Variants in SEMA5A observed in about 807,000 individuals in gnomAD.
SEMA5A encodes the protein semaphorin 5A, also known as semaphorin-5A.
A neutral mutation model predicts 135.5 loss-of-function variants in SEMA5A; 55 were observed. That is an observed-to-expected ratio of 0.41 (90% CI 0.33 to 0.51). The LOEUF (loss-of-function observed/expected upper bound fraction) is 0.51. Among genes scored for constraint, SEMA5A ranks in the 20% least tolerant of loss-of-function variants. The pLI, the probability that SEMA5A is intolerant of heterozygous loss-of-function variation, is 0.37. For missense variants in SEMA5A, 1,290 were observed against 1,419.9 expected (o/e 0.91, Z 1.47); for synonymous variants, 580 against 546.5 (o/e 1.06, Z -0.85).
intron 4 of SEMA5A, among the ~76,000 whole-genome samples, chr5:9,335,544 G>A (rs890730304): frequency 7.2e-5 from 11 of 152,180 alleles, no homozygotes; most frequent in African/African-American, 2.7e-4. Context: ...TCATAGAAAA[G>A]CCTTTCCAAA....
chr5:9,320,857 C>T (rs1201849112), intron 4 of SEMA5A, among the ~76,000 whole-genome samples: 1 of 152,132 alleles, frequency 6.6e-6, no homozygotes, highest in African/African-American at 2.4e-5. Context: ...CCCAGTGTGA[C>T]CTTGAAACCA....
intron 15 of SEMA5A, among the ~76,000 whole-genome samples, chr5:9,114,488 C>T (rs1453518656): frequency 6.6e-6 from 1 of 151,822 alleles, no homozygotes. Flanking sequence ...TGTAAAAGCA[C>T]AGTAAAAACT....
At chr5:9,495,890 C>G (rs1735276897) in intron 1 of SEMA5A, among the ~76,000 whole-genome samples, 1 of 152,156 alleles carries the variant, frequency 6.6e-6, no homozygotes, top group African/African-American at 2.4e-5. Context: ...ACCTGATCGA[C>G]TGAATACTCA....
intron 1 of SEMA5A, among the ~76,000 whole-genome samples, chr5:9,540,524 G>C (rs1441168249): frequency 6.6e-6 from 1 of 152,088 alleles, no homozygotes. Flanking sequence ...TTAAACCTAG[G>C]AGGCAGAGGT....
intron 6 of SEMA5A, among the ~76,000 whole-genome samples, chr5:9,233,759 C>G (rs1579675743): frequency 6.6e-6 from 1 of 152,182 alleles, no homozygotes; most frequent in Admixed American, 6.5e-5. Flanking sequence ...CTCCTCCACT[C>G]TGCAGCAAGC....
chr5:9,136,108 C>T (rs2150218040), intron 13 of SEMA5A, among the ~76,000 whole-genome samples: 1 of 152,254 alleles, frequency 6.6e-6, no homozygotes, highest in East Asian at 1.9e-4. Flanking sequence ...CTCATCTTTC[C>T]TTATGTCAGC....
intron 2 of SEMA5A, among the ~76,000 whole-genome samples, chr5:9,383,170 C>A (rs1203714673): frequency 1.3e-5 from 2 of 152,228 alleles, no homozygotes; most frequent in Non-Finnish European, 2.9e-5. Context: ...AAAGGAGTTA[C>A]AGTGTGCAAA....
At chr5:9,247,936 C>T (rs184057608) in intron 5 of SEMA5A, among the ~76,000 whole-genome samples, 59 of 152,292 alleles carry the variant, frequency 3.9e-4, no homozygotes, top group African/African-American at 1.3e-3. Context: ...CTGATACATT[C>T]ATGTCCTAGT....
chr5:9,285,161 C>T (rs904639920), intron 5 of SEMA5A, among the ~76,000 whole-genome samples: 8 of 152,176 alleles, frequency 5.3e-5, no homozygotes, highest in Non-Finnish European at 7.4e-5. Context: ...CTTTTTCCTT[C>T]CAACTATCGT....
intron 11 of SEMA5A, among the ~76,000 whole-genome samples, chr5:9,183,558 G>A (rs1485866732): frequency 6.6e-6 from 1 of 152,222 alleles, no homozygotes; most frequent in African/African-American, 2.4e-5. Context: ...GGGGGCAGCT[G>A]AGGCAGAGCA....
Position 9,533,928 on chromosome 5 carries a change from A to T in SEMA5A, c.-175+11656T>A, listed in dbSNP as rs915123896. On this transcript the variant is annotated intron_variant, in intron 1 of 22. Coordinates refer to ENST00000382496, the MANE Select transcript of SEMA5A (RefSeq NM_003966.3). Reference sequence around the variant, plus strand: ...CATATTTGGGCCACTGCAATTATCAAGCAAAACCGCAAACCAGCAGAAGTC... The same window carrying T: ...CATATTTGGGCCACTGCAATTATCATGCAAAACCGCAAACCAGCAGAAGTC... Among the ~76,000 whole-genome samples, 30 of 152,204 alleles carry T rather than the reference A, an allele frequency of 2.0e-4. 1 individual carries two copies. Among genetic ancestry groups the T allele is most frequent in the Non-Finnish European group, 7.3e-5 (5 of 68,028 alleles).
intron 11 of SEMA5A, among the ~76,000 whole-genome samples, chr5:9,169,461 C>A (rs1204093557): frequency 3.3e-5 from 5 of 152,054 alleles, no homozygotes; most frequent in Non-Finnish European, 5.9e-5. Flanking sequence ...GGATGATAGC[C>A]ACGGCATGTA....
chr5:9,308,243 G>T (rs1216520624), intron 5 of SEMA5A, among the ~76,000 whole-genome samples: 2 of 152,088 alleles, frequency 1.3e-5, no homozygotes, highest in African/African-American at 4.8e-5. Context: ...AGCTGATCCT[G>T]GTTCATAGCT....
At chr5:9,383,547 T>G (rs1423895197) in intron 2 of SEMA5A, among the ~76,000 whole-genome samples, 1 of 152,178 alleles carries the variant, frequency 6.6e-6, no homozygotes, top group Non-Finnish European at 1.5e-5. Context: ...CAGAGCCATA[T>G]CAATGATAAG....
chr5:9,399,843 G>A (rs1300123229), intron 2 of SEMA5A, among the ~76,000 whole-genome samples: 2 of 152,232 alleles, frequency 1.3e-5, no homozygotes, highest in African/African-American at 4.8e-5. Context: ...CAAAAGTAAA[G>A]GAGAGAGCTC....
Position 9,224,671 on chromosome 5 carries a change from T to A in SEMA5A, c.646+3A>T, listed in dbSNP as rs1228680267. The A allele has an allele frequency of 1.9e-6, 3 of 1,613,824 alleles. No homozygotes were observed. In the Admixed American group the frequency reaches 5.0e-5, roughly 27 times the overall value. On this transcript the variant is annotated splice_donor_region_variant and intron_variant, in intron 8 of 22. Coordinates refer to ENST00000382496, the MANE Select transcript of SEMA5A (RefSeq NM_003966.3). ...GAGAAAGAGGGAGTGACGGAAGGCT[T>A]ACCATTGAGCCATTTGGAGTTGTAC...
intron 16 of SEMA5A, among the ~76,000 whole-genome samples, chr5:9,086,538 T>G (rs770826998): frequency 5.9e-5 from 9 of 152,224 alleles, no homozygotes; most frequent in Non-Finnish European, 1.2e-4. Context: ...ATGATTGTGA[T>G]GCCTCCCTAG....
Position 9,205,451 on chromosome 5 carries a change from T to C in SEMA5A, c.647-3211A>G, listed in dbSNP as rs926147505. Among the ~76,000 whole-genome samples, 10 of 152,100 alleles carry C rather than the reference T, an allele frequency of 6.6e-5. No individual in the cohort carries two copies. In the East Asian group the frequency reaches 1.7e-3, roughly 26 times the overall value. Reference sequence around the variant, plus strand: ...GCCAACCATAGCCTCAGAGAGCCAATAAATGACTTTCACGAGGTCATTCTG... The same window carrying C: ...GCCAACCATAGCCTCAGAGAGCCAACAAATGACTTTCACGAGGTCATTCTG... On this transcript the variant is annotated intron_variant, in intron 8 of 22. Coordinates refer to ENST00000382496, the MANE Select transcript of SEMA5A (RefSeq NM_003966.3).
At chr5:9,072,758 A>C (rs1737839154) in intron 16 of SEMA5A, among the ~76,000 whole-genome samples, 1 of 152,238 alleles carries the variant, frequency 6.6e-6, no homozygotes, top group Non-Finnish European at 1.5e-5. Context: ...TTATGTCCTC[A>C]AAGAGAACCT....
Sources: allele counts gnomAD v4.1 joint callset (sites outside exome capture counted in the v4.1 genomes callset), GRCh38; gene constraint gnomAD v4.1.1; transcripts MANE v1.5; gene names NCBI Gene and HGNC (gene_info 2026-07-23, HGNC 2026-07-21).